TMEM132B: variants seen among roughly 807,000 people sequenced by gnomAD.
TMEM132B encodes transmembrane protein 132B.
TMEM132B carries 18 observed loss-of-function variants against 90.8 expected under a neutral mutation model. That is an observed-to-expected ratio of 0.20 (90% CI 0.14 to 0.29). The LOEUF is 0.29. Among genes scored for constraint, TMEM132B ranks in the 10% least tolerant of loss-of-function variants. TMEM132B has a pLI of 1.00. For synonymous variants in TMEM132B, 504 were observed against 523.3 expected, an observed-to-expected ratio of 0.96 and a Z score of 0.50; for missense variants, 1,096 against 1,326.8, an observed-to-expected ratio of 0.83 and a Z score of 2.70.
At chr12:125,456,828 A>T (rs763166592) in intron 3 of TMEM132B, among the ~76,000 whole-genome samples, 8 of 152,038 alleles carry the variant, frequency 5.3e-5, no homozygotes, top group Non-Finnish European at 8.8e-5. Flanking sequence ...TTACATCTGA[A>T]CTTTGTGAAT....
rs1437774818 is a variant in TMEM132B, at chr12:125,458,222, A to G, written c.1106+42545A>G. On this transcript the variant is annotated intron_variant, in intron 3 of 8. Transcript: ENST00000682704. This position sits in a 1 kb window ranked among gnomAD's most constrained non-coding sequence, Gnocchi z 4.9. Reference sequence around the variant, plus strand: ...GAGGCCAAAAACAAGGGCCTTGGACAAGGCCCTTGTCCAAGGACAAGGGAT... The same window carrying G: ...GAGGCCAAAAACAAGGGCCTTGGACGAGGCCCTTGTCCAAGGACAAGGGAT... Among the ~76,000 whole-genome samples the G allele has an allele frequency of 6.8e-6, 1 of 148,086 alleles. No individual in the cohort carries two copies. The highest frequency in any genetic ancestry group is 2.4e-5 in the African/African-American group (1 of 41,048).
At chr12:125,319,856 AG>A (rs1332448158) in intron 1 of TMEM132B, among the ~76,000 whole-genome samples, 1 of 152,066 alleles carries the variant, frequency 6.6e-6, no homozygotes, top group Non-Finnish European at 1.5e-5. Flanking sequence ...CTCTATAAAA[AG>A]TAAACAAAAT....
intron 3 of TMEM132B, among the ~76,000 whole-genome samples, chr12:125,436,101 C>T (rs1249988180): frequency 6.6e-6 from 1 of 152,140 alleles, no homozygotes; most frequent in African/African-American, 2.4e-5. Context: ...TCCATCTGGT[C>T]CCTGTGCGTG....
intron 3 of TMEM132B, among the ~76,000 whole-genome samples, chr12:125,428,796 A>G (rs1880409376): frequency 6.6e-6 from 1 of 152,224 alleles, no homozygotes; most frequent in Non-Finnish European, 1.5e-5. Flanking sequence ...TTATGTGGCC[A>G]ACATCCTATG....
intron 1 of TMEM132B, among the ~76,000 whole-genome samples, chr12:125,295,538 G>GAGAGAGAGAGAGAGAGAC (rs1445138028): frequency 1.3e-5 from 2 of 148,942 alleles, no homozygotes; most frequent in African/African-American, 5.0e-5. Context: ...GAGAGAGAGA[G>GAGAGAGAGAGAGAGAGAC]AGAGACAGAG....
At chr12:125,462,845 T>C (rs985063216) in intron 3 of TMEM132B, among the ~76,000 whole-genome samples, 1 of 152,248 alleles carries the variant, frequency 6.6e-6, no homozygotes, top group African/African-American at 2.4e-5. Flanking sequence ...TCGTGCTCTA[T>C]ACAATTATGT....
chr12:125,612,243 A>G (rs1174907209), intron 5 of TMEM132B, among the ~76,000 whole-genome samples: 2 of 152,136 alleles, frequency 1.3e-5, no homozygotes, highest in African/African-American at 2.4e-5. Context: ...TGGGAGGCCA[A>G]GGCAGGTGGA....
intron 2 of TMEM132B, among the ~76,000 whole-genome samples, chr12:125,369,516 C>T (rs1878231397): frequency 6.6e-6 from 1 of 152,014 alleles, no homozygotes; most frequent in African/African-American, 2.4e-5. Context: ...GAAAAAAGAG[C>T]TCTTGAATGA....
At chr12:125,212,693 T>TA (rs1337283468) in intron 1 of TMEM132B, among the ~76,000 whole-genome samples, 5 of 150,902 alleles carry the variant, frequency 3.3e-5, no homozygotes, top group African/African-American at 9.7e-5. Context: ...AAACTCCGTC[T>TA]AAAAAAAAAG....
chr12:125,509,586 G>A (rs1180214609), intron 3 of TMEM132B, among the ~76,000 whole-genome samples: 2 of 152,102 alleles, frequency 1.3e-5, no homozygotes, highest in Admixed American at 1.3e-4. Context: ...TATCTCTGCA[G>A]GGCTAATAAG....
intron 5 of TMEM132B, among the ~76,000 whole-genome samples, chr12:125,601,449 G>T (rs1361373347): frequency 1.3e-5 from 2 of 152,060 alleles, no homozygotes; most frequent in African/African-American, 4.8e-5. Context: ...AGGATCTCTG[G>T]GACACAGCTA....
At chr12:125,212,441 C>G (rs1270022254) in intron 1 of TMEM132B, among the ~76,000 whole-genome samples, 1 of 151,992 alleles carries the variant, frequency 6.6e-6, no homozygotes, top group African/African-American at 2.4e-5. Context: ...GCTTGTAATA[C>G]CAGCACTTTG....
chr12:125,474,278 TCCCCTC>T (rs1458850374), intron 3 of TMEM132B, among the ~76,000 whole-genome samples: 2 of 32,568 alleles, frequency 6.1e-5, no homozygotes, highest in Non-Finnish European at 1.3e-4. Flanking sequence ...CTCCCTCCCC[TCCCCTC>T]CCCTTCCCTT....
intron 5 of TMEM132B, among the ~76,000 whole-genome samples, chr12:125,612,650 A>G (rs1885864676): frequency 7.0e-6 from 1 of 143,136 alleles, no homozygotes; most frequent in Admixed American, 7.1e-5. Context: ...AACTATATAT[A>G]CTTGTCATAC....
chr12:125,307,933 T>C (rs1356674278), intron 1 of TMEM132B, among the ~76,000 whole-genome samples: 1 of 133,778 alleles, frequency 7.5e-6, no homozygotes, highest in African/African-American at 2.8e-5. Context: ...TATTACTTAA[T>C]ATATACTTAT....
chr12:125,515,674 C>A (rs1260182701), intron 3 of TMEM132B, among the ~76,000 whole-genome samples: 1 of 151,368 alleles, frequency 6.6e-6, no homozygotes, highest in Non-Finnish European at 1.5e-5. Flanking sequence ...TTCTTTCTCA[C>A]ACTCACACAC....
At chr12:125,573,552 A>G (rs970335756) in intron 4 of TMEM132B, among the ~76,000 whole-genome samples, 6 of 152,228 alleles carry the variant, frequency 3.9e-5, no homozygotes, top group African/African-American at 1.4e-4. Context: ...AGTCAAAATA[A>G]TGTGCCGAAA....
At chr12:125,207,127 A>G (rs1045520985) in intron 1 of TMEM132B, among the ~76,000 whole-genome samples, 14 of 152,226 alleles carry the variant, frequency 9.2e-5, no homozygotes, top group Non-Finnish European at 1.9e-4. Context: ...CCAGTGCTTT[A>G]ATAACTTTTG....
intron 2 of TMEM132B, among the ~76,000 whole-genome samples, chr12:125,373,655 G>A (rs1233919160): frequency 6.6e-6 from 1 of 152,142 alleles, no homozygotes; most frequent in African/African-American, 2.4e-5. Context: ...GCAATGGAAA[G>A]TAATAAAGAG....
Sources: allele counts gnomAD v4.1 joint callset (sites outside exome capture counted in the v4.1 genomes callset), GRCh38; gene constraint gnomAD v4.1.1; non-coding constraint Gnocchi (gnomAD v3.1); transcripts MANE v1.5; gene names NCBI Gene and HGNC (gene_info 2026-07-23, HGNC 2026-07-21).